Variants in HRH2 observed in about 807,000 individuals in gnomAD.
The protein encoded by HRH2 is histamine H2 receptor.
In HRH2, 4 loss-of-function variants were observed where a neutral mutation model predicts 20.1. The observed-to-expected ratio is 0.20, with a 90% CI of 0.10 to 0.45. The LOEUF is 0.45. HRH2 is among the 20% of genes least tolerant of loss of function. HRH2 has a pLI of 0.99. For synonymous variants in HRH2, 197 were observed against 200.7 expected (o/e 0.98, Z 0.16); for missense variants, 250 against 461.6 (o/e 0.54, Z 4.20).
At chr5:175,706,093 T>TTA (rs1398823450) in intron 2 of HRH2, among the ~76,000 whole-genome samples, 1 of 152,208 alleles carries the variant, frequency 6.6e-6, no homozygotes, top group Non-Finnish European at 1.5e-5. Flanking sequence ...AAACACGATT[T>TTA]TATATACCTA....
rs1255160630 is a variant in HRH2 at position 175,687,961 on chromosome 5, AGCAGG to A, written c.1076+3655_1076+3659del. Among the ~76,000 whole-genome samples, 1 of 152,220 alleles carries A rather than the reference AGCAGG, an allele frequency of 6.6e-6. No homozygotes were observed. On this transcript the variant is annotated intron_variant, in intron 2 of 2. Transcript: ENST00000636584. This position sits in a 1 kb window ranked among gnomAD's most constrained non-coding sequence, Gnocchi z 5.2. ...GCCAGATGTCTGAGATCAAGGTGTT[AGCAGG>A]GCTGGTTCCTTCTGAAGGCTTCCAG...
chr5:175,695,270 G>C (rs1024884352), intron 2 of HRH2, among the ~76,000 whole-genome samples: 1 of 152,098 alleles, frequency 6.6e-6, no homozygotes, highest in Non-Finnish European at 1.5e-5. Flanking sequence ...CTGACCTTGG[G>C]CACGCTGATT....
chr5:175,675,605 CT>C (rs779996789), intron 1 of HRH2, among the ~76,000 whole-genome samples: 2 of 152,136 alleles, frequency 1.3e-5, no homozygotes, highest in Admixed American at 6.5e-5. Flanking sequence ...AGGTAGAGGA[CT>C]TTTTATAAAG....
chr5:175,667,034 A>ATATATATATATATATATATAT (rs1561719912), intron 1 of HRH2, among the ~76,000 whole-genome samples: 1 of 152,086 alleles, frequency 6.6e-6, no homozygotes, highest in African/African-American at 2.4e-5. Flanking sequence ...ATATATATGT[A>ATATATATATATATATATATAT]ATGTATAGTC....
chr5:175,659,108 C>T (rs1762658327), intron 1 of HRH2, among the ~76,000 whole-genome samples: 2 of 152,102 alleles, frequency 1.3e-5, no homozygotes, highest in South Asian at 4.2e-4. Flanking sequence ...GGTGGCCGGG[C>T]TGGGCATGAA....
At chr5:175,702,711 C>A (rs1190836985) in intron 2 of HRH2, among the ~76,000 whole-genome samples, 1 of 149,530 alleles carries the variant, frequency 6.7e-6, no homozygotes, top group Non-Finnish European at 1.5e-5. Context: ...GCCACCACGC[C>A]TGGCTAATTT....
At chr5:175,663,192 A>G (rs912723041) in intron 1 of HRH2, among the ~76,000 whole-genome samples, 2 of 152,176 alleles carry the variant, frequency 1.3e-5, no homozygotes, top group African/African-American at 4.8e-5. Flanking sequence ...TCGGAGTAGA[A>G]TGGCTGGATC....
chr5:175,660,729 G>A (rs1762715155), intron 1 of HRH2, among the ~76,000 whole-genome samples: 2 of 152,296 alleles, frequency 1.3e-5, no homozygotes, highest in Admixed American at 1.3e-4. Context: ...CCACGTATCT[G>A]AGTGTGCCCT....
rs1755952122 is a variant in HRH2, at chr5:175,681,153, A to C, written c.-525-1556A>C. Among the ~76,000 whole-genome samples the C allele has an allele frequency of 6.6e-6, 1 of 152,164 alleles. No individual in the cohort carries two copies. The highest frequency in any genetic ancestry group is 1.5e-5 in the Non-Finnish European group (1 of 68,020). Reference sequence around the variant, plus strand: ...CCTTATTGCTACCCCCTCCAAAGTTAATTAAGTGTGGCGGTGAGACCCATG... The same window carrying C: ...CCTTATTGCTACCCCCTCCAAAGTTCATTAAGTGTGGCGGTGAGACCCATG... On this transcript the variant is annotated intron_variant, in intron 1 of 2. Coordinates refer to ENST00000636584, the MANE Select transcript of HRH2 (RefSeq NM_001367711.1). The surrounding 1 kb of genome is among the most constrained non-coding windows in gnomAD (Gnocchi z 4.3).
intron 1 of HRH2, among the ~76,000 whole-genome samples, chr5:175,680,722 A>G (rs755916072): frequency 2.6e-5 from 4 of 152,128 alleles, no homozygotes; most frequent in African/African-American, 4.8e-5. Flanking sequence ...AGGGAGAGAG[A>G]GCGCCGTACA....
chr5:175,663,362 G>A (rs1164301293), intron 1 of HRH2, among the ~76,000 whole-genome samples: 1 of 152,188 alleles, frequency 6.6e-6, no homozygotes, highest in Non-Finnish European at 1.5e-5. Flanking sequence ...TTGTGGGTGT[G>A]AAGTCGTGTC....
intron 1 of HRH2, among the ~76,000 whole-genome samples, chr5:175,674,083 G>A (rs1755669066): frequency 1.3e-5 from 2 of 152,220 alleles, no homozygotes; most frequent in Admixed American, 1.3e-4. Flanking sequence ...TTTGTCATCA[G>A]ATGGCAGCTT....
At chr5:175,680,650 T>C (rs1455413948) in intron 1 of HRH2, among the ~76,000 whole-genome samples, 1 of 152,190 alleles carries the variant, frequency 6.6e-6, no homozygotes, top group Non-Finnish European at 1.5e-5. Context: ...GGTTGCTCCA[T>C]AAGGGGATGA....
rs571237459 is a variant in HRH2 at position 175,667,368 on chromosome 5, T to G, written c.-526+9213T>G. On this transcript the variant is annotated intron_variant, in intron 1 of 2. Coordinates refer to ENST00000636584, the MANE Select transcript of HRH2 (RefSeq NM_001367711.1). ...CTAAGCCAGGAGAATCGCTTGAACC[T>G]GGGAGGTGAAGGTTGCAGTGAGCCA... Among the ~76,000 whole-genome samples the G allele has an allele frequency of 3.8e-3, 585 of 152,134 alleles. 4 individuals are homozygous for G. Among genetic ancestry groups the G allele is most frequent in the Non-Finnish European group, 5.5e-3 (376 of 68,014 alleles).
chr5:175,659,877 TGGAA>T (rs529298482), intron 1 of HRH2, among the ~76,000 whole-genome samples: 116 of 152,164 alleles, frequency 7.6e-4, no homozygotes, highest in Non-Finnish European at 1.3e-3. Flanking sequence ...TCTAAGGGTC[TGGAA>T]GGAAGGAAGG....
At chr5:175,675,320 G>A (rs1396482986) in intron 1 of HRH2, among the ~76,000 whole-genome samples, 2 of 152,110 alleles carry the variant, frequency 1.3e-5, no homozygotes, top group African/African-American at 2.4e-5. Context: ...GTGATCTTAC[G>A]GCTGATGATT....
chr5:175,694,292 A>C (rs945174520), intron 2 of HRH2, among the ~76,000 whole-genome samples: 1 of 152,102 alleles, frequency 6.6e-6, no homozygotes, highest in South Asian at 2.1e-4. Flanking sequence ...TGGCTTTGGA[A>C]GCGGCATGCA....
At chr5:175,662,978 A>G (rs982513022) in intron 1 of HRH2, among the ~76,000 whole-genome samples, 2 of 152,212 alleles carry the variant, frequency 1.3e-5, no homozygotes, top group Non-Finnish European at 2.9e-5. Context: ...AGGTTCATCC[A>G]TGTTGTTGCA....
intron 2 of HRH2, chr5:175,685,534 T>C (rs1327103011): frequency 6.8e-7 from 1 of 1,476,946 alleles, no homozygotes; most frequent in Admixed American, 2.0e-5. Context: ...TGATGAATAC[T>C]GGGGATGTAG....
Sources: gnomAD v4.1 joint callset for allele counts (sites outside exome capture counted in the v4.1 genomes callset) on GRCh38, gnomAD v4.1.1 for gene constraint, Gnocchi (gnomAD v3.1) non-coding constraint, MANE v1.5 for transcripts, NCBI Gene and HGNC (gene_info 2026-07-23, HGNC 2026-07-21) for gene names.